ZNF883: variants seen among roughly 807,000 people sequenced by gnomAD.
ZNF883 encodes zinc finger protein 883.
chr9:113,002,970 T>C (rs189394971), upstream of ZNF883, among the ~76,000 whole-genome samples: 1 of 152,326 alleles, frequency 6.6e-6, no homozygotes, highest in East Asian at 1.9e-4. Context: ...AACAAACCTG[T>C]TGGCACCATG....
intron 2 of ZNF883, among the ~76,000 whole-genome samples, chr9:113,005,550 T>C (rs1001977947): frequency 6.6e-6 from 1 of 152,218 alleles, no homozygotes; most frequent in African/African-American, 2.4e-5. Context: ...TCTCATATAC[T>C]CTTAGTGGAA....
chr9:113,006,651 C>T (rs1324150892), intron 2 of ZNF883, among the ~76,000 whole-genome samples: 3 of 152,046 alleles, frequency 2.0e-5, no homozygotes, highest in East Asian at 1.9e-4. Context: ...AGTGTTTTTC[C>T]TGTATCAACA....
At chr9:113,005,803 TTC>T (rs1484063741) in intron 2 of ZNF883, among the ~76,000 whole-genome samples, 1 of 152,186 alleles carries the variant, frequency 6.6e-6, no homozygotes, top group East Asian at 1.9e-4. Flanking sequence ...GACAGTCCTC[TTC>T]TCTCCTGACA....
At chr9:112,997,646 C>T (rs1330537110) in exon 1 of ZNF883, 3 of 1,613,266 alleles carry the variant, frequency 1.9e-6, no homozygotes, top group Non-Finnish European at 2.5e-6. Context: ...TGGTTTCTCT[C>T]CTGTGTGGGT....
At chr9:112,997,760 T>C in exon 1 of ZNF883, 1 of 1,613,912 alleles carries the variant, frequency 6.2e-7, no homozygotes, top group African/African-American at 1.3e-5. Flanking sequence ...TTCAATTAGG[T>C]GTGTGCTGCG....
downstream of ZNF883, among the ~76,000 whole-genome samples, chr9:112,994,672 T>A (rs1274893646): frequency 2.0e-5 from 3 of 152,158 alleles, no homozygotes; most frequent in Non-Finnish European, 4.4e-5. Context: ...TTGGATTTTT[T>A]AAATTCCTGG....
chr9:113,004,968 A>C (rs1313809425), intron 2 of ZNF883, among the ~76,000 whole-genome samples: 4 of 152,056 alleles, frequency 2.6e-5, no homozygotes, highest in Non-Finnish European at 5.9e-5. Context: ...GGAAGGATAA[A>C]AATTTAATAA....
chr9:112,997,625 T>A (rs368307648), exon 1 of ZNF883: 8 of 1,613,760 alleles, frequency 5.0e-6, no homozygotes, highest in Middle Eastern at 1.6e-4. Context: ...CCCACATTCA[T>A]TACATTCATA....
At chr9:113,002,742 T>C (rs1464721672), upstream of ZNF883, among the ~76,000 whole-genome samples, 3 of 152,200 alleles carry the variant, frequency 2.0e-5, no homozygotes, top group African/African-American at 7.2e-5. Flanking sequence ...CAAAGGCACA[T>C]GTTGAAACTT....
intron 1 of ZNF883, among the ~76,000 whole-genome samples, chr9:112,989,440 G>A (rs967173119): frequency 6.6e-6 from 1 of 152,076 alleles, no homozygotes; most frequent in African/African-American, 2.4e-5. Context: ...CCAGATGTGT[G>A]GTCTTATTTC....
intron 2 of ZNF883, among the ~76,000 whole-genome samples, chr9:113,008,511 A>T: frequency 6.6e-6 from 1 of 152,234 alleles, no homozygotes; most frequent in East Asian, 1.9e-4. Context: ...TTTCAACTCA[A>T]GAATGATAGA....
At chr9:113,010,268 T>A (rs77506377) in intron 2 of ZNF883, among the ~76,000 whole-genome samples, 8,508 of 152,260 alleles carry the variant, frequency 0.056, 334 homozygotes, top group East Asian at 0.092. Context: ...CAGACACACA[T>A]GTATATTTTA....
chr9:112,990,475 T>G (rs1828291254), intron 1 of ZNF883, among the ~76,000 whole-genome samples: 1 of 152,236 alleles, frequency 6.6e-6, no homozygotes, highest in Non-Finnish European at 1.5e-5. Context: ...GATTTGATAT[T>G]AGTGGATAAG....
downstream of ZNF883, among the ~76,000 whole-genome samples, chr9:112,992,409 C>T (rs1395282893): frequency 6.6e-6 from 1 of 152,082 alleles, no homozygotes; most frequent in African/African-American, 2.4e-5. Flanking sequence ...GAATATTGGC[C>T]TCCTCTTCAA....
chr9:113,004,925 TATATG>T (rs1828460402), intron 2 of ZNF883, among the ~76,000 whole-genome samples: 1 of 151,872 alleles, frequency 6.6e-6, no homozygotes, highest in African/African-American at 2.4e-5. Context: ...GGGGATTTAA[TATATG>T]ATAAAGGTAG....
At chr9:113,009,861 C>T (rs1231062040) in intron 2 of ZNF883, among the ~76,000 whole-genome samples, 1 of 152,170 alleles carries the variant, frequency 6.6e-6, no homozygotes, top group Non-Finnish European at 1.5e-5. Context: ...TCTTACTCCC[C>T]TATATTAAAT....
chr9:112,991,818 C>G (rs573573101), intron 1 of ZNF883, among the ~76,000 whole-genome samples: 48 of 152,254 alleles, frequency 3.2e-4, no homozygotes, highest in African/African-American at 1.2e-3. Context: ...TGAATTGAAT[C>G]CTTTACCATT....
upstream of ZNF883, chr9:112,998,414 C>CTGCTGTAGTGGATT: frequency 1.6e-6 from 1 of 608,176 alleles, no homozygotes; most frequent in Non-Finnish European, 2.4e-6. Flanking sequence ...TCATGAGTTT[C>CTGCTGTAGTGGATT]TTTTGAAAAA....
At chr9:113,000,150 T>G (rs1828409443), upstream of ZNF883, among the ~76,000 whole-genome samples, 1 of 152,170 alleles carries the variant, frequency 6.6e-6, no homozygotes, top group Non-Finnish European at 1.5e-5. Flanking sequence ...ACAATAGTTG[T>G]GATAAAAGAA....
Sources: gnomAD v4.1 joint callset for allele counts (sites outside exome capture counted in the v4.1 genomes callset) on GRCh38, gnomAD v4.1.1 for gene constraint, MANE v1.5 for transcripts, NCBI Gene and HGNC (gene_info 2026-07-23, HGNC 2026-07-21) for gene names.